Variants in CRPPA observed in about 807,000 individuals in gnomAD.
CRPPA encodes the protein D-ribitol-5-phosphate cytidylyltransferase.
Under a neutral mutation model 52.0 loss-of-function variants are expected in CRPPA, and 43 were observed. The observed-to-expected ratio is 0.83, with a 90% CI of 0.65 to 1.07. The LOEUF (loss-of-function observed/expected upper bound fraction) is 1.07, where lower values mean the gene tolerates loss of function less well. CRPPA is among the 50% of genes least tolerant of loss of function. CRPPA has a pLI of 0.00. For synonymous variants in CRPPA, 250 were observed against 203.5 expected (o/e 1.23, Z -1.94); for missense variants, 629 against 551.7 (o/e 1.14, Z -1.40).
At chr7:16,284,227 A>G (rs191547283) in intron 5 of CRPPA, among the ~76,000 whole-genome samples, 3 of 152,124 alleles carry the variant, frequency 2.0e-5, no homozygotes, top group African/African-American at 4.8e-5. Flanking sequence ...GACCTCTGCT[A>G]TTAGTGAATT....
At chr7:16,323,334 AG>A (rs1405467151) in intron 3 of CRPPA, among the ~76,000 whole-genome samples, 2 of 152,160 alleles carry the variant, frequency 1.3e-5, no homozygotes, top group African/African-American at 4.8e-5. Flanking sequence ...TTCCCTACTA[AG>A]GGGTAAAATA....
At chr7:16,217,693 A>T (rs557705765) in intron 8 of CRPPA, among the ~76,000 whole-genome samples, 1 of 142,012 alleles carries the variant, frequency 7.0e-6, no homozygotes, top group Non-Finnish European at 1.5e-5. Flanking sequence ...GGGTATCAGC[A>T]ATGGAAGATG....
chr7:16,355,987 C>T (rs1034002129), intron 3 of CRPPA, among the ~76,000 whole-genome samples: 1 of 151,962 alleles, frequency 6.6e-6, no homozygotes, highest in East Asian at 1.9e-4. Context: ...AGTGACAATA[C>T]CTTTTTACTA....
intron 9 of CRPPA, among the ~76,000 whole-genome samples, chr7:16,121,714 G>A (rs1782484248): frequency 1.3e-5 from 2 of 152,010 alleles, no homozygotes; most frequent in Non-Finnish European, 1.5e-5. Context: ...AAGGTAAGCA[G>A]GAAGCCTTGT....
chr7:16,403,233 G>A (rs76288036), intron 2 of CRPPA, among the ~76,000 whole-genome samples: 4,916 of 152,098 alleles, frequency 0.032, 155 homozygotes, highest in African/African-American at 0.077. Flanking sequence ...TTTTGCTCCC[G>A]AACTTATGGA....
intron 9 of CRPPA, among the ~76,000 whole-genome samples, chr7:16,200,745 G>A (rs975919572): frequency 1.3e-5 from 2 of 152,166 alleles, no homozygotes; most frequent in Admixed American, 1.3e-4. Context: ...TTGTGAAAGA[G>A]TAATAAATTG....
intron 3 of CRPPA, among the ~76,000 whole-genome samples, chr7:16,346,359 T>A (rs1286674285): frequency 6.6e-6 from 1 of 152,158 alleles, no homozygotes; most frequent in Non-Finnish European, 1.5e-5. Context: ...AGTTTATATT[T>A]AAGCTGTGAT....
chr7:16,316,871 A>G (rs1285995370), intron 3 of CRPPA, among the ~76,000 whole-genome samples: 1 of 152,084 alleles, frequency 6.6e-6, no homozygotes, highest in African/African-American at 2.4e-5. Flanking sequence ...ATAGAAAAAT[A>G]TTAAGTTATT....
chr7:16,188,308 G>T (rs1409064978), intron 9 of CRPPA, among the ~76,000 whole-genome samples: 1 of 151,956 alleles, frequency 6.6e-6, no homozygotes, highest in Non-Finnish European at 1.5e-5. Flanking sequence ...AGAACAACGA[G>T]AACAAATGTA....
At chr7:16,175,489 T>C (rs933735130) in intron 9 of CRPPA, among the ~76,000 whole-genome samples, 2 of 152,110 alleles carry the variant, frequency 1.3e-5, no homozygotes, top group Non-Finnish European at 2.9e-5. Context: ...ATGAAAAAGT[T>C]AAAAATGCCA....
chr7:16,109,467 TTCTACC>T (rs775308695), intron 9 of CRPPA, among the ~76,000 whole-genome samples: 6 of 151,862 alleles, frequency 4.0e-5, no homozygotes, highest in Non-Finnish European at 7.4e-5. Context: ...CTTGGCTGAA[TTCTACC>T]AAATATTTAA....
Position 16,253,301 on chromosome 7 carries a change from G to A in CRPPA, c.1119+5089C>T, listed in dbSNP as rs111904830. 2.3e-3 allele frequency among the ~76,000 whole-genome samples: 344 copies of A among 152,036 alleles called. 2 individuals carry two copies. Among genetic ancestry groups the A allele is most frequent in the African/African-American group, 7.9e-3 (329 of 41,502 alleles). On this transcript the variant is annotated intron_variant, in intron 8 of 9. Coordinates refer to ENST00000407010, the MANE Select transcript of CRPPA (RefSeq NM_001101426.4). ...ATGTGTCCCAGATATTCTGGCATGCGGTGTCTTTGTTCTCATTGATTTCAA... is the reference window on the plus strand; with the variant it reads ...ATGTGTCCCAGATATTCTGGCATGCAGTGTCTTTGTTCTCATTGATTTCAA...
chr7:16,404,524 C>G (rs1284087717), intron 2 of CRPPA, among the ~76,000 whole-genome samples: 1 of 151,462 alleles, frequency 6.6e-6, no homozygotes, highest in Non-Finnish European at 1.5e-5. Flanking sequence ...CTCAGAAATA[C>G]TTTCTGCTTA....
intron 9 of CRPPA, among the ~76,000 whole-genome samples, chr7:16,193,462 T>C (rs1781658628): frequency 6.6e-6 from 1 of 152,160 alleles, no homozygotes; most frequent in African/African-American, 2.4e-5. Context: ...CATAAATTAC[T>C]TCTAAGGTAA....
intron 2 of CRPPA, among the ~76,000 whole-genome samples, chr7:16,394,450 GACA>G (rs1330908754): frequency 2.0e-5 from 3 of 152,058 alleles, no homozygotes; most frequent in Non-Finnish European, 4.4e-5. Flanking sequence ...AGAAAAGTGA[GACA>G]ACAAGAAAAA....
intron 9 of CRPPA, among the ~76,000 whole-genome samples, chr7:16,140,264 C>T (rs1782843179): frequency 6.6e-6 from 1 of 152,120 alleles, no homozygotes; most frequent in African/African-American, 2.4e-5. Flanking sequence ...TCTTGTGCCT[C>T]AGGCTCCTGA....
intron 8 of CRPPA, among the ~76,000 whole-genome samples, chr7:16,235,356 G>A (rs1425331693): frequency 6.6e-6 from 1 of 152,054 alleles, no homozygotes; most frequent in Non-Finnish European, 1.5e-5. Flanking sequence ...GACCCAGAGA[G>A]TGCATGTCTG....
At chr7:16,102,242 C>G (rs1782060638) in intron 9 of CRPPA, among the ~76,000 whole-genome samples, 1 of 151,568 alleles carries the variant, frequency 6.6e-6, no homozygotes, top group Non-Finnish European at 1.5e-5. Flanking sequence ...GTTAGGAAAA[C>G]TGGCTATCCA....
rs544883324 is a variant in CRPPA at position 16,197,105 on chromosome 7, C to T, written c.1251+18961G>A. Among the ~76,000 whole-genome samples, 4 of 151,606 alleles carry T rather than the reference C, an allele frequency of 2.6e-5. No homozygotes were observed. The East Asian group carries it at 7.8e-4, about 29-fold the overall frequency. Reference sequence around the variant, plus strand: ...ACATGGCACACCTACATCATGAATACACCAGTGTGAACCTGAAGAATGCTG... The same window carrying T: ...ACATGGCACACCTACATCATGAATATACCAGTGTGAACCTGAAGAATGCTG... On this transcript the variant is annotated intron_variant, in intron 9 of 9. Coordinates refer to ENST00000407010, the MANE Select transcript of CRPPA (RefSeq NM_001101426.4).
Sources: allele counts gnomAD v4.1 joint callset (sites outside exome capture counted in the v4.1 genomes callset), GRCh38; gene constraint gnomAD v4.1.1; transcripts MANE v1.5; gene names NCBI Gene and HGNC (gene_info 2026-07-23, HGNC 2026-07-21).